Variants in DNTT observed in about 807,000 individuals in gnomAD.
DNTT encodes DNA nucleotidylexotransferase.
DNTT carries 47 observed loss-of-function variants against 60.9 expected under a neutral mutation model. The observed-to-expected ratio is 0.77, with a 90% CI of 0.61 to 0.98. The LOEUF is 0.98. Among genes scored for constraint, DNTT ranks in the 50% least tolerant of loss-of-function variants. The pLI is 0.00. For synonymous variants in DNTT, 224 were observed against 221.2 expected (o/e 1.01, Z -0.11); for missense variants, 665 against 627.5 (o/e 1.06, Z -0.64).
chr10:96,330,243 C>A (rs1337148114), intron 8 of DNTT, among the ~76,000 whole-genome samples: 1 of 151,584 alleles, frequency 6.6e-6, no homozygotes, highest in Admixed American at 6.6e-5. Context: ...CAAGACAAAA[C>A]CCAATAAAGA....
intron 8 of DNTT, 83 bp from the exon 9 acceptor site, chr10:96,332,268 A>G (rs890765539): frequency 6.5e-7 from 1 of 1,549,456 alleles, no homozygotes; most frequent in South Asian, 1.3e-5. Flanking sequence ...TCGAATCTGA[A>G]AAGATTTCAT....
intron 1 of DNTT, among the ~76,000 whole-genome samples, chr10:96,308,050 G>A (rs1003957237): frequency 1.3e-5 from 2 of 152,030 alleles, no homozygotes; most frequent in Non-Finnish European, 2.9e-5. Flanking sequence ...GCTACAATAA[G>A]CATGTACTTT....
chr10:96,326,520 C>A (rs751928971), intron 6 of DNTT, among the ~76,000 whole-genome samples: 2 of 152,082 alleles, frequency 1.3e-5, no homozygotes, highest in Non-Finnish European at 2.9e-5. Flanking sequence ...AAATGGCCAC[C>A]CTGCTGCCTC....
intron 8 of DNTT, among the ~76,000 whole-genome samples, chr10:96,329,473 G>A (rs1844979534): frequency 6.6e-6 from 1 of 152,216 alleles, no homozygotes; most frequent in African/African-American, 2.4e-5. Flanking sequence ...ACTTCCTAGA[G>A]AGACCAGAGG....
At chr10:96,334,394 C>T (rs1308491954) in intron 9 of DNTT, among the ~76,000 whole-genome samples, 3 of 152,206 alleles carry the variant, frequency 2.0e-5, no homozygotes, top group Admixed American at 6.5e-5. Context: ...TATCCTGTCA[C>T]TCACAGGAGA....
rs1361276323 is a variant in DNTT, at chr10:96,327,485, G to C, written c.892G>C (p.Asp298His). Residue 298 changes from aspartate to histidine, a missense_variant, in exon 7 of 11, where the codon GAC (aspartate) becomes CAC (histidine). Physicochemically the swap from Asp to His is moderately conservative, Grantham distance 81. Coordinates refer to ENST00000371174, the MANE Select transcript of DNTT (RefSeq NM_004088.4). Reference protein sequence around the residue: ...MQKAGFLYYEDLVSCVTRAEA... With the variant: ...MQKAGFLYYEHLVSCVTRAEA... Reference sequence around the variant, plus strand: ...CCTCTCAGGATTTCTGTATTATGAAGACCTTGTCAGCTGTGTGACCAGGGC... The same window carrying C: ...CCTCTCAGGATTTCTGTATTATGAACACCTTGTCAGCTGTGTGACCAGGGC... The C allele has an allele frequency of 5.0e-6, 8 of 1,614,090 alleles. No homozygotes were observed. The highest frequency in any genetic ancestry group is 5.9e-6 in the Non-Finnish European group (7 of 1,179,960).
intron 1 of DNTT, among the ~76,000 whole-genome samples, chr10:96,312,342 G>A (rs950601157): frequency 4.6e-5 from 7 of 152,190 alleles, no homozygotes; most frequent in African/African-American, 1.4e-4. Flanking sequence ...TGAGAGTGCT[G>A]GTGACTGATT....
Position 96,318,436 on chromosome 10 carries a change from C to T in DNTT, c.288C>T (p.Ser96=). 6.2e-7 allele frequency: 1 copy of T among 1,613,938 alleles called. No homozygotes were observed. Among genetic ancestry groups the T allele is most frequent in the Admixed American group, 1.7e-5 (1 of 60,012 alleles). ...TTCAAGCACAGAAAGTACAAGTCAG[C>T]TCACAACCAGAGCTCCTCGATGTCT... ...EWLQAQKVQV[S]SQPELLDVSW... The change falls in exon 2 of 11, where the codon AGC becomes AGT. Residue 96 remains serine (S), a synonymous_variant. Coordinates refer to ENST00000371174, the MANE Select transcript of DNTT (RefSeq NM_004088.4).
At chr10:96,304,922 A>C (rs1186231173) in intron 1 of DNTT, among the ~76,000 whole-genome samples, 1 of 152,162 alleles carries the variant, frequency 6.6e-6, no homozygotes, top group Non-Finnish European at 1.5e-5. Flanking sequence ...GATGAGATAA[A>C]TTTTTTGTTT....
intron 1 of DNTT, among the ~76,000 whole-genome samples, chr10:96,314,330 G>A (rs1487575543): frequency 1.3e-5 from 2 of 148,418 alleles, no homozygotes; most frequent in Non-Finnish European, 1.5e-5. Flanking sequence ...ACAGCCATAG[G>A]ATCAAATCCC....
chr10:96,332,923 T>A (rs1339894237), intron 9 of DNTT, among the ~76,000 whole-genome samples: 1 of 152,190 alleles, frequency 6.6e-6, no homozygotes, highest in Non-Finnish European at 1.5e-5. Context: ...GAAATTTGTT[T>A]GGAAAAGGCT....
intron 8 of DNTT, 148 bp from the exon 9 acceptor site, chr10:96,332,203 C>G: frequency 9.1e-7 from 1 of 1,093,408 alleles, no homozygotes; most frequent in Non-Finnish European, 1.3e-6. Flanking sequence ...GTGTTTTCTC[C>G]TAGTGTTTGC....
At chr10:96,320,336 G>A (rs1844852624) in intron 3 of DNTT, among the ~76,000 whole-genome samples, 3 of 152,220 alleles carry the variant, frequency 2.0e-5, no homozygotes, top group Admixed American at 2.0e-4. Flanking sequence ...CTAGCAAGAT[G>A]CTGTGAGCAC....
intron 4 of DNTT, among the ~76,000 whole-genome samples, chr10:96,321,726 A>G (rs1444983027): frequency 6.6e-6 from 1 of 152,152 alleles, no homozygotes; most frequent in Non-Finnish European, 1.5e-5. Context: ...TTAGAGAGAC[A>G]GTGTGATAAC....
intron 4 of DNTT, among the ~76,000 whole-genome samples, chr10:96,322,141 T>G (rs145532112): frequency 6.6e-6 from 1 of 152,246 alleles, no homozygotes; most frequent in Non-Finnish European, 1.5e-5. Flanking sequence ...GCAAAGCAAG[T>G]TGGTCATCTG....
At chr10:96,318,595 G>T in intron 2 of DNTT, 69 bp downstream of exon 2, 2 of 1,541,758 alleles carry the variant, frequency 1.3e-6, no homozygotes, top group Admixed American at 3.9e-5. Flanking sequence ...TAGGATCAAC[G>T]GAGCTGGGGT....
In DNTT at chr10:96,318,369, TC is replaced by T; in HGVS notation, c.222del (p.Ile74MetfsTer2). ...ENELSDSVTHIVAENNSGSDV... is the reference protein window; with the variant it reads ...ENELSDSVTHXVAENNSGSDV... The stretch of plus-strand genomic sequence containing the variant: ...TTTTGCAGTGATTCTGTCACCCACA[TC>T]GTAGCAGAGAACAACTCGGGTTCGG... On this transcript the variant is annotated frameshift_variant, in exon 2 of 11. Coordinates refer to ENST00000371174, the MANE Select transcript of DNTT (RefSeq NM_004088.4). LOFTEE classifies it high-confidence loss of function. The T allele has an allele frequency of 6.2e-7, 1 of 1,613,142 alleles. No homozygotes were observed. The highest frequency in any genetic ancestry group is 1.1e-5 in the South Asian group (1 of 90,862).
At chr10:96,329,526 G>A (rs1460540637) in intron 8 of DNTT, among the ~76,000 whole-genome samples, 1 of 152,216 alleles carries the variant, frequency 6.6e-6, no homozygotes, top group Non-Finnish European at 1.5e-5. Context: ...CTGGGCTGGT[G>A]TTTCTCCTCA....
chr10:96,334,248 A>G (rs575065921), intron 9 of DNTT, among the ~76,000 whole-genome samples: 4 of 152,108 alleles, frequency 2.6e-5, no homozygotes, highest in Non-Finnish European at 5.9e-5. Flanking sequence ...TGTAAAACTC[A>G]ATTTTCCCGT....
Sources: allele counts gnomAD v4.1 joint callset (sites outside exome capture counted in the v4.1 genomes callset), GRCh38; gene constraint gnomAD v4.1.1; transcripts MANE v1.5; gene names NCBI Gene and HGNC (gene_info 2026-07-23, HGNC 2026-07-21).